The following BLTP3B variants were observed in gnomAD, a reference collection of about 807,000 sequenced individuals.
BLTP3B encodes UHRF1 (ICBP90) binding protein 1-like.
the BLTP3B span, among the ~76,000 whole-genome samples, chr12:100,061,332 A>C: frequency 6.6e-6 from 1 of 152,188 alleles, no homozygotes; most frequent in Admixed American, 6.5e-5. Flanking sequence ...TGTGGGACTG[A>C]AAAAGGAACC....
the BLTP3B span, among the ~76,000 whole-genome samples, chr12:100,101,526 CAATT>C: frequency 6.6e-6 from 1 of 152,160 alleles, no homozygotes; most frequent in Non-Finnish European, 1.5e-5. Context: ...TCTATGTCAA[CAATT>C]AATGTGAACG....
chr12:100,097,280 T>C, the BLTP3B span: 3 of 1,362,764 alleles, frequency 2.2e-6, no homozygotes, highest in South Asian at 4.5e-5. Flanking sequence ...AAATTTCCTA[T>C]AGTTAACTAA....
chr12:100,104,696 T>G, the BLTP3B span, among the ~76,000 whole-genome samples: 1 of 151,778 alleles, frequency 6.6e-6, no homozygotes, highest in Non-Finnish European at 1.5e-5. Context: ...TACATAATGT[T>G]GATATACCCT....
chr12:100,083,252 T>C, the BLTP3B span: 1 of 665,616 alleles, frequency 1.5e-6, no homozygotes, highest in Admixed American at 2.5e-5. Context: ...AACAAGATAA[T>C]ATTTGTGGAC....
At chr12:100,142,494 C>T in the BLTP3B span, 1 of 1,371,134 alleles carries the variant, frequency 7.3e-7, no homozygotes. Flanking sequence ...TCGCCTCCCG[C>T]ACAGCCGCCA....
At chr12:100,116,418 C>T in the BLTP3B span, among the ~76,000 whole-genome samples, 1 of 135,044 alleles carries the variant, frequency 7.4e-6, no homozygotes, top group Non-Finnish European at 1.5e-5. Context: ...CACCACACTC[C>T]AGCCTGGGCA....
chr12:100,114,862 T>C, the BLTP3B span, among the ~76,000 whole-genome samples: 1 of 152,154 alleles, frequency 6.6e-6, no homozygotes, highest in South Asian at 2.1e-4. Context: ...TATTTCCTCA[T>C]TTTCTCTTTT....
chr12:100,139,497 T>C, the BLTP3B span, among the ~76,000 whole-genome samples: 1 of 152,202 alleles, frequency 6.6e-6, no homozygotes. Flanking sequence ...AGACCCCTCA[T>C]ATAAACCCCT....
chr12:100,057,982 T>G, the BLTP3B span: 1 of 1,522,072 alleles, frequency 6.6e-7, no homozygotes, highest in South Asian at 1.4e-5. Context: ...GCACACACGC[T>G]CCACAAAATA....
chr12:100,132,969 C>T, the BLTP3B span, among the ~76,000 whole-genome samples: 10 of 150,400 alleles, frequency 6.6e-5, no homozygotes, highest in Admixed American at 2.7e-4. Flanking sequence ...ATAGGCCGGG[C>T]GTGGTGGCTC....
chr12:100,051,447 A>T, the BLTP3B span: 9 of 393,016 alleles, frequency 2.3e-5, no homozygotes, highest in South Asian at 1.4e-4. Flanking sequence ...AATTTTTTTT[A>T]AAATTCAGTA....
At chr12:100,079,419 T>C in the BLTP3B span, among the ~76,000 whole-genome samples, 1 of 152,174 alleles carries the variant, frequency 6.6e-6, no homozygotes. Flanking sequence ...CTTGTTATGT[T>C]TTAGCAGACG....
At chr12:100,104,884 C>CA in the BLTP3B span, among the ~76,000 whole-genome samples, 879 of 66,008 alleles carry the variant, frequency 0.013, 56 homozygotes, top group African/African-American at 0.033. Context: ...ACTGCTACTA[C>CA]AAAAAAAAAA....
the BLTP3B span, chr12:100,057,611 TA>T: frequency 1.2e-6 from 2 of 1,611,626 alleles, no homozygotes; most frequent in Non-Finnish European, 1.7e-6. Flanking sequence ...CATCACTTTC[TA>T]ATAACTGTTC....
chr12:100,080,628 C>T, the BLTP3B span, among the ~76,000 whole-genome samples: 3 of 152,144 alleles, frequency 2.0e-5, no homozygotes, highest in Non-Finnish European at 2.9e-5. Context: ...TGCCTTGTAC[C>T]CCCACTGTAT....
chr12:100,108,643 G>A, the BLTP3B span: 1 of 1,023,808 alleles, frequency 9.8e-7, no homozygotes, highest in Non-Finnish European at 1.4e-6. Context: ...AATATAATAG[G>A]AGTGGACACA....
At chr12:100,102,583 A>G in the BLTP3B span, among the ~76,000 whole-genome samples, 1 of 152,224 alleles carries the variant, frequency 6.6e-6, no homozygotes, top group Non-Finnish European at 1.5e-5. Context: ...TAGCAAGGAA[A>G]GCAAGATGAA....
At chr12:100,061,897 T>A in the BLTP3B span, among the ~76,000 whole-genome samples, 1 of 152,198 alleles carries the variant, frequency 6.6e-6, no homozygotes, top group Non-Finnish European at 1.5e-5. Context: ...CCCTCCAAAA[T>A]TCATTTACTG....
chr12:100,098,530 A>C, the BLTP3B span: 1 of 1,611,764 alleles, frequency 6.2e-7, no homozygotes, highest in Non-Finnish European at 8.5e-7. Context: ...TTTTTCAGCA[A>C]AGCCGTATTC....
Sources: gnomAD v4.1 joint callset for allele counts (sites outside exome capture counted in the v4.1 genomes callset) on GRCh38, gnomAD v4.1.1 for gene constraint, MANE v1.5 for transcripts, NCBI Gene and HGNC (gene_info 2026-07-23, HGNC 2026-07-21) for gene names.